CCDC91: variants seen among roughly 807,000 people sequenced by gnomAD.
The protein encoded by CCDC91 is coiled-coil domain containing 91.
In CCDC91, 48 loss-of-function variants were observed where a neutral mutation model predicts 63.2. That is an observed-to-expected ratio of 0.76 (90% CI 0.60 to 0.97). The LOEUF (loss-of-function observed/expected upper bound fraction) is 0.97. CCDC91 is among the 50% of genes least tolerant of loss of function. The probability of loss-of-function intolerance (pLI) is 0.00; values close to 1 mark genes in which losing one functional copy is unlikely to be tolerated. For synonymous variants in CCDC91, 167 were observed against 165.8 expected, an observed-to-expected ratio of 1.01 and a Z score of -0.06; for missense variants, 500 against 494.6, an observed-to-expected ratio of 1.01 and a Z score of -0.10.
chr12:28,493,055 A>G (rs1952094798), intron 12 of CCDC91, among the ~76,000 whole-genome samples: 1 of 151,708 alleles, frequency 6.6e-6, no homozygotes, highest in African/African-American at 2.4e-5. Flanking sequence ...GAAAAAATAT[A>G]TAAAAGAACC....
intron 3 of CCDC91, among the ~76,000 whole-genome samples, chr12:28,269,420 A>T (rs570704411): frequency 3.2e-4 from 49 of 152,122 alleles, no homozygotes; most frequent in African/African-American, 1.2e-3. Flanking sequence ...AGTTCATTCA[A>T]ACCAGGGATG....
chr12:28,401,716 T>C (rs1237288692), intron 8 of CCDC91, among the ~76,000 whole-genome samples: 3 of 152,156 alleles, frequency 2.0e-5, no homozygotes, highest in Non-Finnish European at 4.4e-5. Flanking sequence ...CAAGATGAGA[T>C]TTGGTGAGGA....
At chr12:28,242,325 G>A (rs1174476877) in intron 1 of CCDC91, among the ~76,000 whole-genome samples, 1 of 152,120 alleles carries the variant, frequency 6.6e-6, no homozygotes, top group Admixed American at 6.5e-5. Flanking sequence ...CCCTTTTGGC[G>A]CTTGCCTGAC....
chr12:28,385,502 T>C (rs11049567), intron 7 of CCDC91, among the ~76,000 whole-genome samples: 30,749 of 152,138 alleles, frequency 0.2, 4,077 homozygotes, highest in Non-Finnish European at 0.3. Context: ...ATATTTGTTA[T>C]ACGTTTTGCT....
intron 1 of CCDC91, among the ~76,000 whole-genome samples, chr12:28,247,178 TTGTTAGGA>T (rs1945795780): frequency 6.6e-6 from 1 of 152,216 alleles, no homozygotes; most frequent in Non-Finnish European, 1.5e-5. Context: ...CCATTAATTC[TTGTTAGGA>T]ATTTTTACTT....
At chr12:28,308,407 G>T (rs1248488878) in intron 6 of CCDC91, among the ~76,000 whole-genome samples, 3 of 151,982 alleles carry the variant, frequency 2.0e-5, no homozygotes, top group Admixed American at 2.0e-4. Flanking sequence ...CCCACGTGCA[G>T]ACCATTCCCC....
Position 28,458,455 on chromosome 12 carries a change from C to CTTTTTTTTTTTT in CCDC91, c.1101+5822_1101+5833dup, listed in dbSNP as rs60083355. On this transcript the variant is annotated intron_variant, in intron 11 of 12. Transcript: ENST00000536442. ...TTCCCTTTTGTCCTCATTTGCACACCTTTTTTTTTTTTTTTTTTTTTTTTT... is the reference window on the plus strand; with the variant it reads ...TTCCCTTTTGTCCTCATTTGCACACCTTTTTTTTTTTTTTTTTTTTTTTTTTTTTTTTTTTTT... Among the ~76,000 whole-genome samples the CTTTTTTTTTTTT allele has an allele frequency of 6.8e-4, 31 of 45,806 alleles. 4 individuals are homozygous for CTTTTTTTTTTTT. The highest frequency in any genetic ancestry group is 2.6e-3 in the African/African-American group (24 of 9,074). The allele number at this position is 45,806 out of a possible 152,430, so 30.1% of individuals were successfully genotyped here.
chr12:28,265,892 A>G (rs1947153727), intron 3 of CCDC91, among the ~76,000 whole-genome samples: 1 of 152,020 alleles, frequency 6.6e-6, no homozygotes, highest in African/African-American at 2.4e-5. Flanking sequence ...CTGTCTTTGT[A>G]TTTACATTAG....
rs1457717605 is a variant in CCDC91, at chr12:28,319,744, T to G, written c.576+11995T>G. Among the ~76,000 whole-genome samples the G allele has an allele frequency of 5.9e-5, 9 of 151,708 alleles. No individual in the cohort carries two copies. The East Asian group carries it at 1.7e-3, about 29-fold the overall frequency. On this transcript the variant is annotated intron_variant, in intron 6 of 12. Transcript: ENST00000536442. ...GTCTATATATGTTCAAGGTTAGTTATAATACCTAATACAATGTGAATGCTA... is the reference window on the plus strand; with the variant it reads ...GTCTATATATGTTCAAGGTTAGTTAGAATACCTAATACAATGTGAATGCTA...
At chr12:28,315,059 A>G (rs976818467) in intron 6 of CCDC91, among the ~76,000 whole-genome samples, 3 of 151,966 alleles carry the variant, frequency 2.0e-5, no homozygotes, top group African/African-American at 7.2e-5. Flanking sequence ...AAACATGTCT[A>G]TATAGTGTAG....
At chr12:28,532,765 A>G (rs1447113728) in intron 12 of CCDC91, among the ~76,000 whole-genome samples, 1 of 152,110 alleles carries the variant, frequency 6.6e-6, no homozygotes, top group African/African-American at 2.4e-5. Flanking sequence ...TGAGGGTCAT[A>G]CAAGACCTAG....
chr12:28,347,170 G>A (rs528766606), intron 6 of CCDC91, among the ~76,000 whole-genome samples: 48 of 152,280 alleles, frequency 3.2e-4, no homozygotes, highest in African/African-American at 1.1e-3. Flanking sequence ...GGCCATTCAC[G>A]TTTGCAGATT....
At chr12:28,262,236 C>T (rs1946868663) in intron 3 of CCDC91, among the ~76,000 whole-genome samples, 1 of 151,996 alleles carries the variant, frequency 6.6e-6, no homozygotes, top group Admixed American at 6.6e-5. Flanking sequence ...CTACCTGTAT[C>T]TTAGCTGTCT....
At chr12:28,277,122 G>A (rs558745671) in intron 3 of CCDC91, among the ~76,000 whole-genome samples, 1 of 152,012 alleles carries the variant, frequency 6.6e-6, no homozygotes, top group South Asian at 2.1e-4. Flanking sequence ...CAGAGTAGAT[G>A]TTAAAATTAA....
chr12:28,412,006 GACAA>G (rs1328642731), intron 8 of CCDC91, among the ~76,000 whole-genome samples: 2 of 152,126 alleles, frequency 1.3e-5, no homozygotes, highest in Non-Finnish European at 2.9e-5. Flanking sequence ...TTTTGGTAGG[GACAA>G]ACAAACATGG....
At chr12:28,197,876 A>T (rs149610103) in intron 1 of CCDC91, among the ~76,000 whole-genome samples, 2,535 of 152,206 alleles carry the variant, frequency 0.017, 28 homozygotes, top group South Asian at 0.031. Context: ...TTACTTAAAT[A>T]ATTAGGATCA....
At chr12:28,416,153 AT>A (rs1947646526) in intron 8 of CCDC91, among the ~76,000 whole-genome samples, 1 of 152,124 alleles carries the variant, frequency 6.6e-6, no homozygotes, top group African/African-American at 2.4e-5. Flanking sequence ...ATGTCTTTAT[AT>A]CTAATAAGCT....
chr12:28,304,574 T>C (rs1161874890), intron 3 of CCDC91: 1 of 621,484 alleles, frequency 1.6e-6, no homozygotes, highest in African/African-American at 1.9e-5. Context: ...CACAAATTGA[T>C]GTATTTGTTA....
intron 6 of CCDC91, among the ~76,000 whole-genome samples, chr12:28,309,835 A>G (rs1217078732): frequency 6.6e-6 from 1 of 151,978 alleles, no homozygotes; most frequent in African/African-American, 2.4e-5. Context: ...GCTTTTCTTA[A>G]TCGTGCTGTA....
Sources: allele counts gnomAD v4.1 joint callset (sites outside exome capture counted in the v4.1 genomes callset), GRCh38; gene constraint gnomAD v4.1.1; transcripts MANE v1.5; gene names NCBI Gene and HGNC (gene_info 2026-07-23, HGNC 2026-07-21).